Variants in BMPER observed in about 807,000 individuals in gnomAD.
BMPER encodes the protein BMP binding endothelial regulator.
BMPER carries 45 observed loss-of-function variants against 87.3 expected under a neutral mutation model. The observed-to-expected ratio is 0.52, with a 90% CI of 0.41 to 0.66. The LOEUF is 0.66. Ranked by LOEUF, BMPER falls within the 30% of genes least tolerant of loss-of-function variation. The pLI, the probability that BMPER is intolerant of heterozygous loss-of-function variation, is 0.00. For synonymous variants in BMPER, 326 were observed against 316.2 expected (o/e 1.03, Z -0.33); for missense variants, 784 against 867.5 (o/e 0.90, Z 1.21).
At chr7:34,085,457 C>A (rs904452334) in intron 12 of BMPER, among the ~76,000 whole-genome samples, 2 of 152,012 alleles carry the variant, frequency 1.3e-5, no homozygotes, top group African/African-American at 4.8e-5. Flanking sequence ...AAAATATAAA[C>A]CCTAGAATAG....
At chr7:33,979,764 G>A (rs577000079) in intron 6 of BMPER, among the ~76,000 whole-genome samples, 3 of 152,194 alleles carry the variant, frequency 2.0e-5, no homozygotes, top group Admixed American at 6.5e-5. Flanking sequence ...CAAACTCTTC[G>A]TGGTGTCCCC....
At chr7:34,143,458 GC>G in intron 14 of BMPER, 98 bp downstream of exon 14, 1 of 1,544,488 alleles carries the variant, frequency 6.5e-7, no homozygotes, top group South Asian at 1.2e-5. Flanking sequence ...GTGGCCACAT[GC>G]CCCCTTGCCA....
At chr7:33,950,460 G>C (rs916180399) in intron 3 of BMPER, among the ~76,000 whole-genome samples, 1 of 152,124 alleles carries the variant, frequency 6.6e-6, no homozygotes, top group Non-Finnish European at 1.5e-5. Context: ...GCACAGCTTA[G>C]CTGGGTCTCT....
At chr7:34,126,422 G>A (rs1790404339) in intron 13 of BMPER, among the ~76,000 whole-genome samples, 3 of 152,306 alleles carry the variant, frequency 2.0e-5, no homozygotes, top group South Asian at 4.2e-4. Flanking sequence ...TTTGATTAAA[G>A]GAGTTTTATG....
chr7:34,033,891 A>G (rs1787594621), intron 6 of BMPER, among the ~76,000 whole-genome samples: 1 of 152,252 alleles, frequency 6.6e-6, no homozygotes, highest in Non-Finnish European at 1.5e-5. Flanking sequence ...TTAAAAAGAA[A>G]AAGTCCTGAA....
chr7:34,071,631 G>A (rs1466651224), intron 11 of BMPER, among the ~76,000 whole-genome samples: 1 of 147,458 alleles, frequency 6.8e-6, no homozygotes, highest in Non-Finnish European at 1.5e-5. Context: ...TTTAAGGTCG[G>A]TTCTTGGATA....
chr7:34,129,536 CA>C (rs201740522), intron 13 of BMPER, among the ~76,000 whole-genome samples: 5 of 121,990 alleles, frequency 4.1e-5, no homozygotes, highest in East Asian at 2.4e-4. Flanking sequence ...GACGCTGTCT[CA>C]AAAAAAAAGA....
intron 6 of BMPER, among the ~76,000 whole-genome samples, chr7:34,014,335 G>A (rs1042085480): frequency 6.6e-6 from 1 of 151,924 alleles, no homozygotes; most frequent in African/African-American, 2.4e-5. Flanking sequence ...ATGTGGAGCA[G>A]CATAGAGAAG....
chr7:33,986,903 C>T (rs553533577), intron 6 of BMPER, among the ~76,000 whole-genome samples: 3 of 152,088 alleles, frequency 2.0e-5, no homozygotes, highest in Non-Finnish European at 2.9e-5. Flanking sequence ...TCTGGGCCTG[C>T]GGCTTTCCCT....
intron 6 of BMPER, among the ~76,000 whole-genome samples, chr7:33,982,609 C>T (rs1785894217): frequency 6.6e-6 from 1 of 152,016 alleles, no homozygotes; most frequent in East Asian, 1.9e-4. Context: ...TGTGACTGGA[C>T]AATGAGCTTG....
chr7:34,121,642 A>C (rs1425396420), intron 13 of BMPER, among the ~76,000 whole-genome samples: 2 of 152,190 alleles, frequency 1.3e-5, no homozygotes, highest in East Asian at 3.8e-4. Flanking sequence ...ATGAAATATA[A>C]ATCTACTGTT....
At chr7:34,072,249 G>T (rs922994226) in intron 11 of BMPER, among the ~76,000 whole-genome samples, 1 of 152,156 alleles carries the variant, frequency 6.6e-6, no homozygotes, top group Admixed American at 6.5e-5. Context: ...TACTAGCCAC[G>T]CTGGATTGCT....
intron 13 of BMPER, among the ~76,000 whole-genome samples, chr7:34,096,416 G>T (rs1046229236): frequency 6.6e-6 from 1 of 152,176 alleles, no homozygotes; most frequent in African/African-American, 2.4e-5. Flanking sequence ...TCAGAGCTGT[G>T]CTGGGTTTGA....
At chr7:34,127,731 G>T (rs558793117) in intron 13 of BMPER, among the ~76,000 whole-genome samples, 2 of 152,238 alleles carry the variant, frequency 1.3e-5, no homozygotes, top group Non-Finnish European at 2.9e-5. Flanking sequence ...TTTTGCCTCA[G>T]TGTGAGACCC....
At chr7:34,049,713 A>C (rs1402150972) in intron 7 of BMPER, among the ~76,000 whole-genome samples, 1 of 152,214 alleles carries the variant, frequency 6.6e-6, no homozygotes, top group Non-Finnish European at 1.5e-5. Flanking sequence ...TACATGAAGC[A>C]CATGTAGATA....
chr7:33,920,479 A>G lies in BMPER; in HGVS notation c.219+13576A>G, dbSNP rs866816332. ...CTTGCTCTATGGCCCAGGCTGGAGT[A>G]CAGTGGTGCGATCTCGGCTTACTGC... is the stretch of plus-strand genomic sequence containing the variant. On this transcript the variant is annotated intron_variant, in intron 2 of 14. Coordinates refer to ENST00000649409, the MANE Select transcript of BMPER (RefSeq NM_001365308.1). 6.3e-5 allele frequency among the ~76,000 whole-genome samples: 8 copies of G among 127,490 alleles called. No homozygotes were observed. In the East Asian group the frequency reaches 1.3e-3, roughly 20 times the overall value. 83.6% of individuals were successfully genotyped at this position (127,490 alleles called of 152,430 possible). A position where few individuals can be genotyped will look rare whatever the true frequency, so the allele number is the denominator to read the frequency against.
At chr7:33,965,315 C>T (rs958551459) in intron 3 of BMPER, among the ~76,000 whole-genome samples, 2 of 152,140 alleles carry the variant, frequency 1.3e-5, no homozygotes, top group Non-Finnish European at 2.9e-5. Flanking sequence ...GAATTCAGAT[C>T]ATAGTTCCAA....
rs147989177 is a variant in BMPER, at chr7:34,110,533, GTGTT to G, written c.1745+24445_1745+24448del. Among the ~76,000 whole-genome samples the G allele has an allele frequency of 5.6e-3, 847 of 152,320 alleles. 4 individuals carry two copies. Among genetic ancestry groups the G allele is most frequent in the African/African-American group, 0.018 (767 of 41,570 alleles). ...GCTGGTCTGGAATCACAGAAGTAGT[GTGTT>G]TGTCACTTTCCTCATCACTGTTGTA... is the stretch of plus-strand genomic sequence containing the variant. On this transcript the variant is annotated intron_variant, in intron 13 of 14. Transcript: ENST00000649409.
intron 6 of BMPER, among the ~76,000 whole-genome samples, chr7:34,046,017 T>C (rs1787954509): frequency 6.6e-6 from 1 of 152,160 alleles, no homozygotes; most frequent in South Asian, 2.1e-4. Context: ...GATCATCCTA[T>C]ACCTACTGTA....
Sources: gnomAD v4.1 joint callset for allele counts (sites outside exome capture counted in the v4.1 genomes callset) on GRCh38, gnomAD v4.1.1 for gene constraint, MANE v1.5 for transcripts, NCBI Gene and HGNC (gene_info 2026-07-23, HGNC 2026-07-21) for gene names.